BTBD8: variants seen among roughly 807,000 people sequenced by gnomAD.
The protein encoded by BTBD8 is BTB/POZ domain-containing protein 8.
In BTBD8, 110 loss-of-function variants were observed where a neutral mutation model predicts 162.9. The ratio of observed to expected loss-of-function variants is 0.68; its 90% CI spans 0.58 to 0.79. BTBD8 has a LOEUF of 0.79. Ranked by LOEUF, BTBD8 falls within the 30% of genes least tolerant of loss-of-function variation. BTBD8 has a pLI of 0.00. For missense variants in BTBD8, 1,905 were observed against 2,085.4 expected (o/e 0.91, Z 1.68); for synonymous variants, 667 against 716.1 (o/e 0.93, Z 1.10).
In BTBD8 at chr1:92,089,053, GC is replaced by G. The variant is rs1403426894; in HGVS notation, c.347+159del. Among the ~76,000 whole-genome samples, 11 of 152,082 alleles carry G rather than the reference GC, an allele frequency of 7.2e-5. No homozygotes were observed. In the East Asian group the frequency reaches 2.1e-3, roughly 29 times the overall value. ...ATCTTAGTAATTAGTGTTGACAGAG[GC>G]TAAGTGTTAATATTAGTACTAGTAG... On this transcript the variant is annotated intron_variant, in intron 2 of 17. Transcript: ENST00000636805.
Position 92,181,738 on chromosome 1 carries a change from G to T in BTBD8, c.4055G>T (p.Arg1352Leu), listed in dbSNP as rs373917273. ...IPRKRPEIWS[R>L]SAIVHSRERE... Reference sequence around the variant, plus strand: ...AGGAAAAGGCCAGAAATTTGGTCTCGATCTGCAATAGTTCACTCTAGGGAA... The same window carrying T: ...AGGAAAAGGCCAGAAATTTGGTCTCTATCTGCAATAGTTCACTCTAGGGAA... Residue 1352 changes from arginine (R) to leucine (L), a missense_variant, in exon 17 of 18, where the codon CGA becomes CTA. Transcript: ENST00000636805. The T allele has an allele frequency of 6.4e-7, 1 of 1,551,448 alleles. No individual in the cohort carries two copies. The highest frequency in any genetic ancestry group is 1.2e-5 in the South Asian group (1 of 84,062).
intron 9 of BTBD8, among the ~76,000 whole-genome samples, chr1:92,154,124 C>T (rs947953281): frequency 1.3e-5 from 2 of 152,136 alleles, no homozygotes; most frequent in Admixed American, 1.3e-4. Context: ...CCTGCTCCTC[C>T]GTTACCTTCC....
At position 92,108,068 on chromosome 1, in the gene BTBD8, T is replaced by C. The variant is rs1010800975; in HGVS notation, c.662+67T>C. The C allele has an allele frequency of 2.1e-6, 3 of 1,416,446 alleles. No homozygotes were observed. In the African/African-American group the frequency reaches 4.2e-5, roughly 20 times the overall value. The allele number at this position is 1,416,446 out of a possible 1,614,324, so 87.7% of individuals were successfully genotyped here. A position where few individuals can be genotyped will look rare whatever the true frequency, so the allele number is the denominator to read the frequency against. ...AGAGTGTGGAAGGGCAGCTGTCTCT[T>C]ACCAGCACGGTGGTTTTCAAACTCT... On this transcript the variant is annotated intron_variant, in intron 4 of 17. Transcript: ENST00000636805.
At position 92,107,884 on chromosome 1, in the gene BTBD8, A is replaced by G. The variant is rs763423870; in HGVS notation, c.545A>G (p.Asp182Gly). ...SDRDDDFISNDNYDLEPASEL... is the reference protein window; with the variant it reads ...SDRDDDFISNGNYDLEPASEL... ...TTAGTCTTGTTTTTCTTTTTTAAAG[A>G]TAATTATGACTTGGAGCCTGCATCT... The change falls in exon 4 of 18, where the codon GAT becomes GGT. Residue 182 changes from aspartate to glycine, a missense_variant and splice_region_variant. Asp to Gly is a moderately conservative substitution (Grantham distance 94). Around this residue, in one of 3 missense-constraint regions of BTBD8, gnomAD observed 1,374 missense variants for 1,442.7 expected, o/e 0.95. Transcript: ENST00000636805. 4.4e-6 allele frequency: 7 copies of G among 1,602,306 alleles called. No homozygotes were observed. Among genetic ancestry groups the G allele is most frequent in the Non-Finnish European group, 6.0e-6 (7 of 1,176,340 alleles).
chr1:92,129,448 T>A (rs1193232106), intron 4 of BTBD8, among the ~76,000 whole-genome samples: 1 of 151,904 alleles, frequency 6.6e-6, no homozygotes, highest in African/African-American at 2.4e-5. Context: ...ATCACGCCAC[T>A]GCATTCCAGC....
intron 7 of BTBD8, among the ~76,000 whole-genome samples, chr1:92,143,578 TCTGCTCA>T (rs1649826943): frequency 6.6e-6 from 1 of 152,322 alleles, no homozygotes; most frequent in African/African-American, 2.4e-5. Flanking sequence ...TGGTACGATC[TCTGCTCA>T]CTGCAACCTC....
chr1:92,100,604 A>T (rs2101901526), intron 2 of BTBD8, among the ~76,000 whole-genome samples: 1 of 150,668 alleles, frequency 6.6e-6, no homozygotes, highest in Non-Finnish European at 1.5e-5. Flanking sequence ...TTTTGGCATT[A>T]TTATTATTAT....
chr1:92,129,224 C>A (rs1239228601), intron 4 of BTBD8, among the ~76,000 whole-genome samples: 1 of 151,892 alleles, frequency 6.6e-6, no homozygotes, highest in Non-Finnish European at 1.5e-5. Flanking sequence ...AATCAAAATG[C>A]TTAGTTATAA....
At chr1:92,122,650 C>A (rs985985712) in intron 4 of BTBD8, among the ~76,000 whole-genome samples, 1 of 151,974 alleles carries the variant, frequency 6.6e-6, no homozygotes, top group Admixed American at 6.6e-5. Flanking sequence ...TACAAGCCTG[C>A]GCCCCTCAGG....
At chr1:92,137,566 A>C (rs1649663754) in intron 5 of BTBD8, among the ~76,000 whole-genome samples, 1 of 152,250 alleles carries the variant, frequency 6.6e-6, no homozygotes, top group Non-Finnish European at 1.5e-5. Flanking sequence ...AAGGGGGCCC[A>C]ATAAATAGCA....
intron 12 of BTBD8, among the ~76,000 whole-genome samples, chr1:92,171,105 A>C (rs937327388): frequency 6.6e-6 from 1 of 152,078 alleles, no homozygotes; most frequent in African/African-American, 2.4e-5. Flanking sequence ...CAGTTTGAGA[A>C]AATTCTCATG....
At position 92,107,944 on chromosome 1, in the gene BTBD8, A is replaced by C. The variant is rs1186455129; in HGVS notation, c.605A>C (p.Lys202Thr). The change falls in exon 4 of 18, where the codon AAA becomes ACA. Residue 202 changes from lysine to threonine, a missense_variant. Physicochemically the swap from Lys to Thr is moderately conservative, Grantham distance 78. This residue lies in a region of BTBD8 where 1,374 missense variants were observed against 1,442.7 expected (regional missense o/e 0.95). Coordinates refer to ENST00000636805, the MANE Select transcript of BTBD8 (RefSeq NM_001376131.1). The stretch of plus-strand genomic sequence containing the variant: ...GAAGATTTATTGAAGCTTTATGTGA[A>C]ACCTTGTTGCCCAGATATTGATATT... ...LGEDLLKLYV[K>T]PCCPDIDIFV... 6.2e-7 allele frequency: 1 copy of C among 1,614,156 alleles called. No homozygotes were observed. Among genetic ancestry groups the C allele is most frequent in the African/African-American group, 1.3e-5 (1 of 75,046 alleles).
intron 13 of BTBD8, among the ~76,000 whole-genome samples, chr1:92,175,337 GGCATGGTGGC>G (rs975632064): frequency 2.6e-5 from 4 of 151,800 alleles, no homozygotes; most frequent in African/African-American, 9.7e-5. Flanking sequence ...AAATTAGCTG[GGCATGGTGGC>G]GCATGCCTGT....
chr1:92,166,948 T>A lies in BTBD8; in HGVS notation c.1123-10T>A, dbSNP rs987194953. On this transcript the variant is annotated splice_polypyrimidine_tract_variant and intron_variant, in intron 9 of 17. Transcript: ENST00000636805. Reference sequence around the variant, plus strand: ...AGCATCTAACTTTCCAATTTTTTTTTAAATCTAAGAATGATAAGAATGCTG... The same window carrying A: ...AGCATCTAACTTTCCAATTTTTTTTAAAATCTAAGAATGATAAGAATGCTG... The A allele has an allele frequency of 2.4e-5, 37 of 1,524,342 alleles. No individual in the cohort carries two copies. The highest frequency in any genetic ancestry group is 1.5e-4 in the African/African-American group (11 of 71,570). The allele number at this position is 1,524,342 out of a possible 1,614,324, so 94.4% of individuals were successfully genotyped here.
rs1310562700 is a variant in BTBD8, at chr1:92,184,338, C to T, written c.*8C>T. ...CTGGAAACTCAGCATTAAGTGTTAA[C>T]ATTTTGGAAAAATTTATGCCACTCC... On this transcript the variant is annotated 3_prime_UTR_variant, in exon 18 of 18. Transcript: ENST00000636805. 6.6e-7 allele frequency: 1 copy of T among 1,511,766 alleles called. No homozygotes were observed. Among genetic ancestry groups the T allele is most frequent in the South Asian group, 1.3e-5 (1 of 78,848 alleles). The allele number at this position is 1,511,766 out of a possible 1,614,324, so 93.6% of individuals were successfully genotyped here. A position where few individuals can be genotyped will look rare whatever the true frequency, so the allele number is the denominator to read the frequency against.
chr1:92,082,585 CT>C (rs912013123), intron 1 of BTBD8, among the ~76,000 whole-genome samples: 1 of 151,898 alleles, frequency 6.6e-6, no homozygotes, highest in Non-Finnish European at 1.5e-5. Context: ...AGGGGAATAA[CT>C]TTTATGGAAG....
intron 6 of BTBD8, among the ~76,000 whole-genome samples, chr1:92,140,321 C>T (rs1649747509): frequency 1.3e-5 from 2 of 151,866 alleles, no homozygotes; most frequent in South Asian, 2.1e-4. Flanking sequence ...TTTTTAAATG[C>T]GCTATAGTGA....
chr1:92,170,786 A>G lies in BTBD8; in HGVS notation c.1574-613A>G, dbSNP rs61781618. Among the ~76,000 whole-genome samples, 1,364 of 152,240 alleles carry G rather than the reference A, an allele frequency of 9.0e-3. 8 individuals carry two copies. The highest frequency in any genetic ancestry group is 0.014 in the Non-Finnish European group (977 of 67,964). On this transcript the variant is annotated intron_variant, in intron 12 of 17. Coordinates refer to ENST00000636805, the MANE Select transcript of BTBD8 (RefSeq NM_001376131.1). ...ACATTCAAATTCTTATTTGAAGAGC[A>G]TAGACATGAGTTCTGCAATAAATTC...
At chr1:92,123,015 G>A (rs976021025) in intron 4 of BTBD8, among the ~76,000 whole-genome samples, 1 of 152,164 alleles carries the variant, frequency 6.6e-6, no homozygotes, top group Non-Finnish European at 1.5e-5. Flanking sequence ...CTAGATTTAA[G>A]TTTTTGTATA....
Sources: gnomAD v4.1 joint callset for allele counts (sites outside exome capture counted in the v4.1 genomes callset) on GRCh38, gnomAD v4.1.1 for gene constraint, gnomAD v4.1.1 regional missense constraint, MANE v1.5 for transcripts, NCBI Gene and HGNC (gene_info 2026-07-23, HGNC 2026-07-21) for gene names.